The following CHODL variants were observed in gnomAD, a reference collection of about 807,000 sequenced individuals.
The protein encoded by CHODL is chondrolectin, also known as transmembrane protein MT75.
Under a neutral mutation model 34.5 loss-of-function variants are expected in CHODL, and 29 were observed. The ratio of observed to expected loss-of-function variants is 0.84; its 90% CI spans 0.63 to 1.15. The LOEUF (loss-of-function observed/expected upper bound fraction) is 1.15. CHODL is among the 50% of genes most tolerant of loss of function. The probability of loss-of-function intolerance (pLI) is 0.00; values close to 1 mark genes in which losing one functional copy is unlikely to be tolerated. For missense variants in CHODL, 332 were observed against 332.5 expected, an observed-to-expected ratio of 1.00 and a Z score of 0.01; for synonymous variants, 125 against 116.1, an observed-to-expected ratio of 1.08 and a Z score of -0.49.
chr21:18,060,982 G>T (rs144790137), intron 2 of CHODL, among the ~76,000 whole-genome samples: 1 of 152,172 alleles, frequency 6.6e-6, no homozygotes, highest in Non-Finnish European at 1.5e-5. Flanking sequence ...GTGTTCCAGC[G>T]TTGTATTTCC....
chr21:18,228,807 G>A (rs1334890263), intron 2 of CHODL, among the ~76,000 whole-genome samples: 1 of 152,162 alleles, frequency 6.6e-6, no homozygotes, highest in East Asian at 1.9e-4. Context: ...TTGACATAAT[G>A]AGATAAAATA....
chr21:18,217,098 G>A (rs1434124419), intron 2 of CHODL, among the ~76,000 whole-genome samples: 1 of 152,144 alleles, frequency 6.6e-6, no homozygotes, highest in African/African-American at 2.4e-5. Context: ...TGTTAACAGT[G>A]CTGGCATAAA....
rs189578348 is a variant in CHODL, at chr21:18,016,530, A to T, written c.-144-11342A>T. Among the ~76,000 whole-genome samples the T allele has an allele frequency of 2.1e-3, 324 of 152,188 alleles. 1 individual carries two copies. Among genetic ancestry groups the T allele is most frequent in the African/African-American group, 7.1e-3 (296 of 41,498 alleles). ...AGGCGCATGACCTTGCTACCCTACAAAGCCTCAGGACACTGCTACCTGCAG... is the reference window on the plus strand; with the variant it reads ...AGGCGCATGACCTTGCTACCCTACATAGCCTCAGGACACTGCTACCTGCAG... On this transcript the variant is annotated intron_variant, in intron 1 of 6. Coordinates refer to the CHODL transcript ENST00000400127.
chr21:18,051,593 G>C (rs1348861898), intron 2 of CHODL, among the ~76,000 whole-genome samples: 1 of 151,796 alleles, frequency 6.6e-6, no homozygotes, highest in Admixed American at 6.6e-5. Flanking sequence ...TAATAAAAGA[G>C]CAGTTTAGAA....
At chr21:18,217,417 G>GA (rs1236284867) in intron 2 of CHODL, among the ~76,000 whole-genome samples, 1 of 152,088 alleles carries the variant, frequency 6.6e-6, no homozygotes, top group Non-Finnish European at 1.5e-5. Flanking sequence ...GCAAAAGGGG[G>GA]AAAAGCCCCT....
At chr21:17,980,552 A>C (rs2063705706) in intron 1 of CHODL, among the ~76,000 whole-genome samples, 1 of 152,196 alleles carries the variant, frequency 6.6e-6, no homozygotes, top group Admixed American at 6.5e-5. Context: ...GTTGTAGTTT[A>C]AGTGCCAGGT....
At chr21:18,253,463 A>C (rs2146805849) in intron 1 of CHODL, among the ~76,000 whole-genome samples, 1 of 152,256 alleles carries the variant, frequency 6.6e-6, no homozygotes, top group East Asian at 1.9e-4. Context: ...GAATGTAATT[A>C]AGATATATTT....
At chr21:17,953,703 C>A (rs2063476000) in intron 1 of CHODL, among the ~76,000 whole-genome samples, 1 of 152,046 alleles carries the variant, frequency 6.6e-6, no homozygotes, top group Admixed American at 6.6e-5. Context: ...TAAGACCATA[C>A]TATAAACTAT....
At chr21:18,009,882 C>T (rs867357812) in intron 1 of CHODL, among the ~76,000 whole-genome samples, 32 of 66,154 alleles carry the variant, frequency 4.8e-4, no homozygotes, top group African/African-American at 2.7e-3. Flanking sequence ...AGCCAGACTC[C>T]GTCTCAAAAA....
At chr21:18,221,752 C>T (rs1380275022) in intron 2 of CHODL, among the ~76,000 whole-genome samples, 4 of 152,166 alleles carry the variant, frequency 2.6e-5, no homozygotes, top group East Asian at 1.9e-4. Context: ...CCTCAGGACC[C>T]TAGATGGCAC....
intron 2 of CHODL, among the ~76,000 whole-genome samples, chr21:18,175,744 G>A (rs1446167624): frequency 6.6e-6 from 1 of 152,148 alleles, no homozygotes; most frequent in Non-Finnish European, 1.5e-5. Context: ...AGTATCAAAA[G>A]AGAGGCTGTT....
intron 1 of CHODL, among the ~76,000 whole-genome samples, chr21:17,963,862 T>C (rs1212382646): frequency 6.6e-6 from 1 of 152,164 alleles, no homozygotes; most frequent in Non-Finnish European, 1.5e-5. Context: ...ACCCTTTACA[T>C]TAATGATCAC....
chr21:17,942,049 G>A (rs913696259), intron 1 of CHODL, among the ~76,000 whole-genome samples: 1 of 151,998 alleles, frequency 6.6e-6, no homozygotes, highest in Non-Finnish European at 1.5e-5. Context: ...TATACATTTT[G>A]GGGGGAATAC....
At chr21:18,237,675 A>T (rs2074041036) in intron 2 of CHODL, among the ~76,000 whole-genome samples, 1 of 152,154 alleles carries the variant, frequency 6.6e-6, no homozygotes, top group Non-Finnish European at 1.5e-5. Flanking sequence ...AAGATTAAAA[A>T]ACATTAATTC....
intron 1 of CHODL, among the ~76,000 whole-genome samples, chr21:17,917,873 A>G (rs2063152615): frequency 7.8e-6 from 1 of 128,844 alleles, no homozygotes; most frequent in African/African-American, 2.5e-5. Flanking sequence ...TCTCTCTGAT[A>G]TGCGTGTGTG....
At chr21:18,152,618 C>G (rs557390223) in intron 2 of CHODL, among the ~76,000 whole-genome samples, 13 of 152,226 alleles carry the variant, frequency 8.5e-5, no homozygotes, top group Non-Finnish European at 1.9e-4. Flanking sequence ...CCACATGGCT[C>G]TCTCAAAACA....
chr21:18,127,700 T>A (rs930636218), intron 2 of CHODL, among the ~76,000 whole-genome samples: 107 of 140,268 alleles, frequency 7.6e-4, no homozygotes, highest in African/African-American at 2.9e-3. Flanking sequence ...TTTTTTTTTT[T>A]TAGCTTAAAA....
intron 1 of CHODL, among the ~76,000 whole-genome samples, chr21:18,023,568 G>A (rs59606686): frequency 6.6e-6 from 1 of 152,024 alleles, no homozygotes; most frequent in African/African-American, 2.4e-5. Flanking sequence ...CACTCTTGTT[G>A]GTAAAGAGGA....
intron 2 of CHODL, among the ~76,000 whole-genome samples, chr21:18,048,801 T>C (rs2064476836): frequency 6.6e-6 from 1 of 151,944 alleles, no homozygotes; most frequent in African/African-American, 2.4e-5. Context: ...AACAAAACCA[T>C]ATGCAAGCCT....
Sources: gnomAD v4.1 joint callset for allele counts (sites outside exome capture counted in the v4.1 genomes callset) on GRCh38, gnomAD v4.1.1 for gene constraint, MANE v1.5 for transcripts, NCBI Gene and HGNC (gene_info 2026-07-23, HGNC 2026-07-21) for gene names.